P2RY14: variants seen among roughly 807,000 people sequenced by gnomAD.
P2RY14 encodes the protein purinergic receptor P2Y14, also known as P2Y purinoceptor 14.
A neutral mutation model predicts 0.9 loss-of-function variants in P2RY14; 2 were observed. That is an observed-to-expected ratio of 2.16 (90% confidence interval 0.88 to 6.79). P2RY14 has a LOEUF of 6.79. Ranked by LOEUF, P2RY14 falls within the 30% of genes most tolerant of loss-of-function variation. The pLI, the probability that P2RY14 is intolerant of heterozygous loss-of-function variation, is 0.05. For missense variants in P2RY14, 378 were observed against 400.1 expected (o/e 0.94, Z 0.47); for synonymous variants, 158 against 147.2 (o/e 1.07, Z -0.53).
chr3:151,273,332 G>C (rs918717612), intron 1 of P2RY14, among the ~76,000 whole-genome samples: 1 of 145,872 alleles, frequency 6.9e-6, no homozygotes, highest in Non-Finnish European at 1.5e-5. Flanking sequence ...CTGGGTTCAA[G>C]CAATTCTGCC....
chr3:151,237,035 T>C (rs1182847263), intron 1 of P2RY14, among the ~76,000 whole-genome samples: 1 of 150,712 alleles, frequency 6.6e-6, no homozygotes, highest in African/African-American at 2.4e-5. Context: ...CTTCAGGAAG[T>C]GATGCCAAAC....
chr3:151,241,346 C>T (rs1039142167), intron 1 of P2RY14, among the ~76,000 whole-genome samples: 1 of 152,226 alleles, frequency 6.6e-6, no homozygotes, highest in East Asian at 1.9e-4. Context: ...TGGCAAAAGG[C>T]AAGTAAGCCT....
At chr3:151,269,397 TCACACACACACACACA>T (rs71801434) in intron 1 of P2RY14, 24,843 of 144,768 alleles carry the variant, frequency 0.17, 2,447 homozygotes, top group Middle Eastern at 0.24. Flanking sequence ...TGAAACTCCA[TCACACACACACACACA>T]CACACACACA....
At chr3:151,256,863 G>GTT (rs1275577729) in intron 1 of P2RY14, among the ~76,000 whole-genome samples, 5 of 98,292 alleles carry the variant, frequency 5.1e-5, no homozygotes, top group African/African-American at 1.1e-4. Context: ...TTTTTTTGTT[G>GTT]TTTTTTTTTT....
chr3:151,236,873 G>A (rs940346525), intron 1 of P2RY14, among the ~76,000 whole-genome samples: 2 of 151,956 alleles, frequency 1.3e-5, no homozygotes, highest in African/African-American at 4.8e-5. Context: ...AGTTAATTCA[G>A]TTTCTTGTAT....
intron 1 of P2RY14, among the ~76,000 whole-genome samples, chr3:151,265,798 T>G (rs1739713850): frequency 1.3e-5 from 2 of 152,064 alleles, no homozygotes; most frequent in Admixed American, 1.3e-4. Context: ...ATTGTGTTTG[T>G]ATAAAAAAAT....
chr3:151,224,874 T>C (rs1230570258), intron 1 of P2RY14, among the ~76,000 whole-genome samples: 1 of 152,216 alleles, frequency 6.6e-6, no homozygotes, highest in Non-Finnish European at 1.5e-5. Flanking sequence ...GCCTCCTGTG[T>C]ACCCCTGATA....
chr3:151,231,375 A>G (rs1041385971), intron 1 of P2RY14, among the ~76,000 whole-genome samples: 6 of 152,198 alleles, frequency 3.9e-5, no homozygotes, highest in African/African-American at 9.7e-5. Flanking sequence ...TAGAGTAATA[A>G]AAAGTATACC....
At chr3:151,246,571 T>G (rs1020835740) in intron 1 of P2RY14, among the ~76,000 whole-genome samples, 6 of 152,280 alleles carry the variant, frequency 3.9e-5, no homozygotes, top group East Asian at 1.9e-4. Context: ...TAGCCATATG[T>G]AGAAAGCTGA....
chr3:151,265,238 T>C (rs1220895280), intron 1 of P2RY14, among the ~76,000 whole-genome samples: 3 of 152,212 alleles, frequency 2.0e-5, no homozygotes, highest in Non-Finnish European at 4.4e-5. Flanking sequence ...GAATATAATG[T>C]ACGATGCTCT....
intron 1 of P2RY14, among the ~76,000 whole-genome samples, chr3:151,252,998 A>G (rs1013861169): frequency 6.6e-6 from 1 of 152,200 alleles, no homozygotes. Flanking sequence ...ACTTGCCCTT[A>G]AAATAAATAT....
At chr3:151,238,632 A>G (rs939955208) in intron 1 of P2RY14, among the ~76,000 whole-genome samples, 3 of 152,228 alleles carry the variant, frequency 2.0e-5, no homozygotes, top group Non-Finnish European at 4.4e-5. Context: ...CTTAGCACAA[A>G]TCAAGGCAGT....
Position 151,244,263 on chromosome 3 carries a change from G to A in P2RY14, c.-132-24621C>T, listed in dbSNP as rs1339577229. Among the ~76,000 whole-genome samples, 449 of 130,162 alleles carry A rather than the reference G, an allele frequency of 3.4e-3. 4 individuals carry two copies. Among genetic ancestry groups the A allele is most frequent in the African/African-American group, 0.011 (413 of 36,972 alleles). The allele number at this position is 130,162 out of a possible 152,430, so 85.4% of individuals were successfully genotyped here. ...AATTGAACTCAGCTCTGCACCAAGCGGACCTAATAGACATCTACAGAACTC... is the reference window on the plus strand; with the variant it reads ...AATTGAACTCAGCTCTGCACCAAGCAGACCTAATAGACATCTACAGAACTC... On this transcript the variant is annotated intron_variant, in intron 1 of 2. Transcript: ENST00000309170.
chr3:151,222,730 A>G (rs542141793), intron 1 of P2RY14, among the ~76,000 whole-genome samples: 1 of 152,354 alleles, frequency 6.6e-6, no homozygotes, highest in East Asian at 1.9e-4. Context: ...AAAGCATGAT[A>G]TGCTGCTGGT....
In P2RY14 at chr3:151,224,088, T is replaced by G. The variant is rs550118787; in HGVS notation, c.-132-4446A>C. On this transcript the variant is annotated intron_variant, in intron 1 of 2. Transcript: ENST00000309170. ...TTATCAACATTAGTGTCTGCACTTC[T>G]GTTTTTGTATATTTAAATTATTTCA... Among the ~76,000 whole-genome samples the G allele has an allele frequency of 1.2e-4, 18 of 152,300 alleles. No homozygotes were observed. The East Asian group carries it at 3.5e-3, about 29-fold the overall frequency.
intron 1 of P2RY14, among the ~76,000 whole-genome samples, chr3:151,253,484 T>TC (rs1370774661): frequency 6.6e-6 from 1 of 152,202 alleles, no homozygotes. Context: ...GCATGGGCCC[T>TC]CTTAAATTTC....
chr3:151,262,524 C>T (rs1203886255), intron 1 of P2RY14, among the ~76,000 whole-genome samples: 1 of 152,126 alleles, frequency 6.6e-6, no homozygotes, highest in Non-Finnish European at 1.5e-5. Context: ...TTTGGAGGTC[C>T]CTGTGCCAGC....
chr3:151,260,558 C>T (rs944531352), intron 1 of P2RY14, among the ~76,000 whole-genome samples: 2 of 151,952 alleles, frequency 1.3e-5, no homozygotes, highest in African/African-American at 2.4e-5. Flanking sequence ...ACAATGTTGC[C>T]GTGGTCGGTC....
intron 1 of P2RY14, among the ~76,000 whole-genome samples, chr3:151,257,785 C>T (rs751031275): frequency 2.0e-5 from 3 of 152,148 alleles, no homozygotes; most frequent in Non-Finnish European, 4.4e-5. Context: ...CTCTGGCTTA[C>T]ATTTTAGACC....
Sources: gnomAD v4.1 joint callset for allele counts (sites outside exome capture counted in the v4.1 genomes callset) on GRCh38, gnomAD v4.1.1 for gene constraint, MANE v1.5 for transcripts, NCBI Gene and HGNC (gene_info 2026-07-23, HGNC 2026-07-21) for gene names.